PCDHA7: variants seen among roughly 807,000 people sequenced by gnomAD.
PCDHA7 encodes protocadherin alpha-7.
PCDHA7 carries 37 observed loss-of-function variants against 57.2 expected under a neutral mutation model. The observed-to-expected ratio is 0.65, with a 90% confidence interval of 0.50 to 0.85. The LOEUF (loss-of-function observed/expected upper bound fraction) is 0.85, where lower values mean the gene tolerates loss of function less well. Ranked by LOEUF, PCDHA7 falls within the 40% of genes least tolerant of loss-of-function variation. PCDHA7 has a pLI of 0.00. For missense variants in PCDHA7, 1,188 were observed against 1,241.8 expected, an observed-to-expected ratio of 0.96 and a Z score of 0.65; for synonymous variants, 553 against 558.8, an observed-to-expected ratio of 0.99 and a Z score of 0.15.
chr5:140,862,685 C>T (rs782248340), intron 1 of PCDHA7: 8 of 552,656 alleles, frequency 1.4e-5, no homozygotes, highest in Non-Finnish European at 1.8e-5. Flanking sequence ...GTGCTGGTGT[C>T]CTACTCGTTG....
chr5:140,968,714 G>A, intron 1 of PCDHA7: 1 of 1,614,150 alleles, frequency 6.2e-7, no homozygotes, highest in South Asian at 1.1e-5. Flanking sequence ...GAAGATGGGA[G>A]ATGAGAGTGG....
At chr5:140,901,482 G>A (rs1348405650) in intron 1 of PCDHA7, among the ~76,000 whole-genome samples, 8 of 152,010 alleles carry the variant, frequency 5.3e-5, no homozygotes, top group African/African-American at 1.9e-4. Context: ...TATGTTCTTG[G>A]CACCTTCATC....
chr5:140,875,553 G>A (rs1447542979), intron 1 of PCDHA7: 4 of 1,614,000 alleles, frequency 2.5e-6, no homozygotes, highest in African/African-American at 2.7e-5. Flanking sequence ...GGGAGGTGGG[G>A]AGCGGCCAGC....
At position 140,836,167 on chromosome 5, in the gene PCDHA7, G is replaced by T. The variant is rs2150254555; in HGVS notation, c.1784G>T (p.Arg595Leu). 3.1e-6 allele frequency: 5 copies of T among 1,613,848 alleles called. No homozygotes were observed. Among genetic ancestry groups the T allele is most frequent in the Non-Finnish European group, 4.2e-6 (5 of 1,179,798 alleles). ...GCGGGCCATGTGGTGGCGAAGGTAC[G>T]TGCAGTTGACGCTGACTCAGGCTAC... ...VGAGHVVAKV[R>L]AVDADSGYNA... The change falls in exon 1 of 4, where the codon CGT becomes CTT. Residue 595 changes from arginine (R) to leucine (L), a missense_variant. Coordinates refer to ENST00000525929, the MANE Select transcript of PCDHA7 (RefSeq NM_018910.3).
rs10076265 is a variant in PCDHA7 at position 140,884,506 on chromosome 5, G to A, written c.2355+47768G>A. 61 of 1,614,172 alleles carry A rather than the reference G, an allele frequency of 3.8e-5. No homozygotes were observed. In the South Asian group the frequency reaches 5.9e-4, roughly 16 times the overall value. ...CTCTAGTGTGCTCCAGCGCGGCAGG[G>A]AGTTGGTCGTACTCGCAGCAGAGGC... On this transcript the variant is annotated intron_variant, in intron 1 of 3. Transcript: ENST00000525929.
At chr5:140,980,623 T>C (rs1554242045) in intron 2 of PCDHA7, among the ~76,000 whole-genome samples, 1 of 152,102 alleles carries the variant, frequency 6.6e-6, no homozygotes, top group African/African-American at 2.4e-5. Flanking sequence ...TGCGAGACTC[T>C]GTCTCAGAAG....
intron 1 of PCDHA7, chr5:140,929,180 G>C (rs782260576): frequency 2.7e-5 from 44 of 1,614,150 alleles, no homozygotes; most frequent in Non-Finnish European, 3.7e-5. Flanking sequence ...CTGGGACTTG[G>C]TTCTGATAAT....
chr5:140,868,879 C>T (rs1247053599), intron 1 of PCDHA7: 1 of 693,900 alleles, frequency 1.4e-6, no homozygotes, highest in Non-Finnish European at 2.3e-6. Context: ...ACAGTACTCA[C>T]AGTTTTAGGC....
intron 1 of PCDHA7, among the ~76,000 whole-genome samples, chr5:140,960,655 T>C (rs2153725891): frequency 6.6e-6 from 1 of 152,296 alleles, no homozygotes; most frequent in East Asian, 1.9e-4. Context: ...TCCAAATCAA[T>C]GAATGCTTTG....
intron 1 of PCDHA7, among the ~76,000 whole-genome samples, chr5:140,962,851 C>T (rs2095713637): frequency 1.3e-5 from 2 of 152,114 alleles, no homozygotes; most frequent in South Asian, 4.1e-4. Flanking sequence ...ATAACTTGTG[C>T]TCGGTTTGTA....
chr5:140,883,520 G>A (rs1554178526), intron 1 of PCDHA7: 1 of 1,614,222 alleles, frequency 6.2e-7, no homozygotes, highest in Non-Finnish European at 8.5e-7. Context: ...CCGCGAGAGC[G>A]TATCAGCCTA....
chr5:140,927,363 GAT>G (rs1188531316), intron 1 of PCDHA7: 33 of 1,613,946 alleles, frequency 2.0e-5, no homozygotes, highest in Non-Finnish European at 2.7e-5. Context: ...GAAGCAATGG[GAT>G]ACTAAGCTAC....
chr5:140,850,629 G>C, intron 1 of PCDHA7: 1 of 1,598,736 alleles, frequency 6.3e-7, no homozygotes, highest in South Asian at 1.1e-5. Flanking sequence ...TAGCCTGTTG[G>C]TTCTCACGCT....
intron 1 of PCDHA7, among the ~76,000 whole-genome samples, chr5:140,952,912 C>A (rs1554220675): frequency 6.6e-6 from 1 of 152,042 alleles, no homozygotes; most frequent in East Asian, 1.9e-4. Flanking sequence ...GCTCATCTTA[C>A]ATGGCATGAG....
In PCDHA7 at chr5:140,996,437, G is replaced by A. The variant is rs1013018828; in HGVS notation, c.2504-13190G>A. On this transcript the variant is annotated intron_variant, in intron 3 of 3. Coordinates refer to ENST00000525929, the MANE Select transcript of PCDHA7 (RefSeq NM_018910.3). Reference sequence around the variant, plus strand: ...AGTGTGAAAACTTTGGGAATAGTCAGTGTCAAGTTGTGGTGCTAAGGGAGG... The same window carrying A: ...AGTGTGAAAACTTTGGGAATAGTCAATGTCAAGTTGTGGTGCTAAGGGAGG... Among the ~76,000 whole-genome samples the A allele has an allele frequency of 4.6e-5, 7 of 152,224 alleles. 1 individual carries two copies. The highest frequency in any genetic ancestry group is 2.6e-4 in the Admixed American group (4 of 15,280).
intron 1 of PCDHA7, among the ~76,000 whole-genome samples, chr5:140,879,121 G>C (rs148259888): frequency 6.6e-6 from 1 of 152,330 alleles, no homozygotes; most frequent in Non-Finnish European, 1.5e-5. Context: ...TGAAGGATTA[G>C]AGCAGGGGAG....
In PCDHA7 at chr5:140,835,853, G is replaced by C. The variant is rs2150246654; in HGVS notation, c.1470G>C (p.Val490=). 2 of 1,612,274 alleles carry C rather than the reference G, an allele frequency of 1.2e-6. No individual in the cohort carries two copies. Among genetic ancestry groups the C allele is most frequent in the South Asian group, 2.2e-5 (2 of 91,014 alleles). Reference sequence around the variant, plus strand: ...CGGACGCGCAGAAGAACGCGCTGGTGTCCTACTCGCTGGTGGAGCTGCGGG... The same window carrying C: ...CGGACGCGCAGAAGAACGCGCTGGTCTCCTACTCGCTGGTGGAGCTGCGGG... ...GDADAQKNAL[V]SYSLVELRVG... is the part of the protein sequence containing the mutation. The change falls in exon 1 of 4, where the codon GTG becomes GTC. Residue 490 remains valine (V), a synonymous_variant. Transcript: ENST00000525929.
intron 1 of PCDHA7, among the ~76,000 whole-genome samples, chr5:140,972,015 G>A (rs782728118): frequency 2.6e-5 from 4 of 152,004 alleles, no homozygotes; most frequent in Admixed American, 6.5e-5. Context: ...CCTTTTATAT[G>A]GGATATTCAG....
intron 1 of PCDHA7, among the ~76,000 whole-genome samples, chr5:140,957,038 C>A (rs534661886): frequency 2.0e-5 from 3 of 151,928 alleles, no homozygotes; most frequent in African/African-American, 7.3e-5. Context: ...TTATGGGAGT[C>A]ATATAAAATA....
Sources: gnomAD v4.1 joint callset for allele counts (sites outside exome capture counted in the v4.1 genomes callset) on GRCh38, gnomAD v4.1.1 for gene constraint, MANE v1.5 for transcripts, NCBI Gene and HGNC (gene_info 2026-07-23, HGNC 2026-07-21) for gene names.